THAP12: variants seen among roughly 807,000 people sequenced by gnomAD.
THAP12 encodes THAP domain containing 12.
THAP12 carries 20 observed loss-of-function variants against 63.0 expected under a neutral mutation model. The observed-to-expected ratio is 0.32, with a 90% confidence interval of 0.22 to 0.46. The LOEUF (loss-of-function observed/expected upper bound fraction) is 0.46. Among genes scored for constraint, THAP12 ranks in the 20% least tolerant of loss-of-function variants. The probability of loss-of-function intolerance (pLI) is 1.00; values close to 1 mark genes in which losing one functional copy is unlikely to be tolerated. For synonymous variants in THAP12, 264 were observed against 328.4 expected (o/e 0.80, Z 2.12); for missense variants, 568 against 908.2 (o/e 0.63, Z 4.81).
In THAP12 at chr11:76,350,491, A is replaced by T; in HGVS notation, c.*373T>A. 1 of 158,082 alleles carries T rather than the reference A, an allele frequency of 6.3e-6. No homozygotes were observed. The highest frequency in any genetic ancestry group is 1.4e-5 in the Non-Finnish European group (1 of 72,128). 9.8% of individuals were successfully genotyped at this position (158,082 alleles called of 1,614,324 possible). A position where few individuals can be genotyped will look rare whatever the true frequency, so the allele number is the denominator to read the frequency against. ...TGGGCTTCACTACAACATTTTATAAAATGTATTCCTTCCTCCCACACCTCT... is the reference window on the plus strand; with the variant it reads ...TGGGCTTCACTACAACATTTTATAATATGTATTCCTTCCTCCCACACCTCT... On this transcript the variant is annotated 3_prime_UTR_variant, in exon 5 of 5. Coordinates refer to ENST00000260045, the MANE Select transcript of THAP12 (RefSeq NM_004705.4).
chr11:76,364,346 G>C lies in THAP12; in HGVS notation c.210+1506C>G, dbSNP rs369055042. 65 of 392,962 alleles carry C rather than the reference G, an allele frequency of 1.7e-4. No homozygotes were observed. In the East Asian group the frequency reaches 5.5e-3, roughly 33 times the overall value. 24.3% of individuals were successfully genotyped at this position (392,962 alleles called of 1,614,324 possible). On this transcript the variant is annotated intron_variant, in intron 2 of 4. Transcript: ENST00000260045. Reference sequence around the variant, plus strand: ...AACCGGAATTGGCTCACCTCCCAATGACTTCACAAGTATCTGCTTCAATTA... The same window carrying C: ...AACCGGAATTGGCTCACCTCCCAATCACTTCACAAGTATCTGCTTCAATTA...
intron 1 of THAP12, among the ~76,000 whole-genome samples, chr11:76,374,856 G>A (rs1368564371): frequency 3.9e-5 from 6 of 152,182 alleles, no homozygotes; most frequent in Non-Finnish European, 7.3e-5. Context: ...GGGAGGTGGG[G>A]CATCTGGGAG....
Position 76,355,631 on chromosome 11 carries a change from C to T in THAP12, c.342G>A (p.Leu114=), listed in dbSNP as rs138680289. 20 of 1,593,184 alleles carry T rather than the reference C, an allele frequency of 1.3e-5. No individual in the cohort carries two copies. In the African/African-American group the frequency reaches 2.4e-4, roughly 19 times the overall value. The stretch of plus-strand genomic sequence containing the variant: ...ACTATCACTTACTTTTTTTCTGTTT[C>T]AGTGTCCTGATTTCATCTTCACTCT... The part of the protein sequence containing the change: ...KELSEDEIRT[L]KQKKIDETSE... The change falls in exon 4 of 5, where the codon CTG becomes CTA. Residue 114 remains leucine, a synonymous_variant. Transcript: ENST00000260045.
chr11:76,379,134 T>G (rs922815537), intron 1 of THAP12, among the ~76,000 whole-genome samples: 1 of 152,184 alleles, frequency 6.6e-6, no homozygotes, highest in Non-Finnish European at 1.5e-5. Flanking sequence ...CCAACATAGA[T>G]TTTTAAAATC....
At chr11:76,371,130 T>C (rs1946671384) in intron 1 of THAP12, among the ~76,000 whole-genome samples, 1 of 152,186 alleles carries the variant, frequency 6.6e-6, no homozygotes, top group Non-Finnish European at 1.5e-5. Flanking sequence ...GGTCTACTAG[T>C]ATCTCTTCCA....
chr11:76,370,065 G>C (rs1946659915), intron 1 of THAP12, among the ~76,000 whole-genome samples: 1 of 152,242 alleles, frequency 6.6e-6, no homozygotes, highest in Non-Finnish European at 1.5e-5. Flanking sequence ...ACAACTGGGA[G>C]TGGGCACAAA....
chr11:76,364,859 T>G (rs1161359407), intron 2 of THAP12, among the ~76,000 whole-genome samples: 2 of 152,130 alleles, frequency 1.3e-5, no homozygotes, highest in African/African-American at 4.8e-5. Context: ...AGAGCTCCAT[T>G]CCGAGATGAA....
Position 76,380,776 on chromosome 11 carries a change from A to G in THAP12, c.61T>C (p.Phe21Leu). The change falls in exon 1 of 5, where the codon TTC becomes CTC. Residue 21 changes from phenylalanine to leucine, a missense_variant. Physicochemically the swap from Phe to Leu is conservative, Grantham distance 22 (BLOSUM62 0). Coordinates refer to ENST00000260045, the MANE Select transcript of THAP12 (RefSeq NM_004705.4). ...GCAGGGTCCCGCGGGAACCTGAAGAAGGCCAAGTCGGACTGCGTGCTCTTC... is the reference window on the plus strand; with the variant it reads ...GCAGGGTCCCGCGGGAACCTGAAGAGGGCCAAGTCGGACTGCGTGCTCTTC... Reference protein sequence around the residue: ...TRKSTQSDLAFFRFPRDPARC... With the variant: ...TRKSTQSDLALFRFPRDPARC... 6.8e-7 allele frequency: 1 copy of G among 1,464,470 alleles called. No individual in the cohort carries two copies. The highest frequency in any genetic ancestry group is 1.3e-5 in the South Asian group (1 of 76,548). 90.7% of individuals were successfully genotyped at this position (1,464,470 alleles called of 1,614,324 possible). A position where few individuals can be genotyped will look rare whatever the true frequency, so the allele number is the denominator to read the frequency against.
rs575036913 is a variant in THAP12 at position 76,355,409 on chromosome 11, T to C, written c.355+209A>G. ...ACCTCCATGAGGCCTGCATATAGCATAGTGTGTGGCATTGCAGCACTCAAT... is the reference window on the plus strand; with the variant it reads ...ACCTCCATGAGGCCTGCATATAGCACAGTGTGTGGCATTGCAGCACTCAAT... On this transcript the variant is annotated intron_variant, in intron 4 of 4. Coordinates refer to ENST00000260045, the MANE Select transcript of THAP12 (RefSeq NM_004705.4). Among the ~76,000 whole-genome samples, 17 of 152,358 alleles carry C rather than the reference T, an allele frequency of 1.1e-4. No homozygotes were observed. In the East Asian group the frequency reaches 1.9e-3, roughly 17 times the overall value.
chr11:76,374,548 T>C (rs528358977), intron 1 of THAP12, among the ~76,000 whole-genome samples: 2 of 152,324 alleles, frequency 1.3e-5, no homozygotes, highest in East Asian at 3.9e-4. Flanking sequence ...GTGGCAGGCT[T>C]GTTTATTTCT....
chr11:76,364,317 G>A (rs1396899322), intron 2 of THAP12: 1 of 302,012 alleles, frequency 3.3e-6, no homozygotes, highest in African/African-American at 2.3e-5. Flanking sequence ...TGATTAAACT[G>A]TTGAACCGGA....
At chr11:76,357,710 T>C (rs1946570762) in intron 3 of THAP12, 1 of 152,292 alleles carries the variant, frequency 6.6e-6, no homozygotes, top group East Asian at 1.9e-4. Flanking sequence ...TAAAATATCA[T>C]ATAGCAATTA....
chr11:76,372,707 G>A (rs1946682972), intron 1 of THAP12, among the ~76,000 whole-genome samples: 1 of 152,064 alleles, frequency 6.6e-6, no homozygotes, highest in African/African-American at 2.4e-5. Context: ...ACAATATAGG[G>A]AGACCTTGTC....
At chr11:76,355,851 A>G (rs1325903231) in intron 3 of THAP12, 197 bp from the exon 4 acceptor site, 1 of 429,606 alleles carries the variant, frequency 2.3e-6, no homozygotes, top group African/African-American at 2.0e-5. Flanking sequence ...TAATGACTCC[A>G]AGGTTATAAC....
chr11:76,350,755 T>G lies in THAP12; in HGVS notation c.*109A>C. 8.7e-7 allele frequency: 1 copy of G among 1,154,436 alleles called. No individual in the cohort carries two copies. Among genetic ancestry groups the G allele is most frequent in the South Asian group, 2.2e-5 (1 of 46,296 alleles). 71.5% of individuals were successfully genotyped at this position (1,154,436 alleles called of 1,614,324 possible). On this transcript the variant is annotated 3_prime_UTR_variant, in exon 5 of 5. Coordinates refer to ENST00000260045, the MANE Select transcript of THAP12 (RefSeq NM_004705.4). Reference sequence around the variant, plus strand: ...GGTAGATTATCAATGGCTAATGTATTCAATGGAGTCCTATAGGCAAAGATA... The same window carrying G: ...GGTAGATTATCAATGGCTAATGTATGCAATGGAGTCCTATAGGCAAAGATA...
At chr11:76,366,384 G>A (rs1946630639) in intron 1 of THAP12, among the ~76,000 whole-genome samples, 1 of 152,128 alleles carries the variant, frequency 6.6e-6, no homozygotes, top group Admixed American at 6.5e-5. Context: ...CACTGTCACT[G>A]TAGAAAATCA....
Position 76,351,740 on chromosome 11 carries a change from G to C in THAP12, c.1410C>G (p.Leu470=). Residue 470 remains leucine, a synonymous_variant, in exon 5 of 5, where the codon CTC becomes CTG. Coordinates refer to ENST00000260045, the MANE Select transcript of THAP12 (RefSeq NM_004705.4). Reference sequence around the variant, plus strand: ...AATCAAAATCTGACACTGCACTGCAGAGTACAAATGCTCGGCCAGCTATAT... The same window carrying C: ...AATCAAAATCTGACACTGCACTGCACAGTACAAATGCTCGGCCAGCTATAT... ...NNYIAGRAFV[L]CSAVSDFDFI... The C allele has an allele frequency of 6.2e-7, 1 of 1,613,390 alleles. No homozygotes were observed. The highest frequency in any genetic ancestry group is 1.3e-5 in the African/African-American group (1 of 75,020).
In THAP12 at chr11:76,352,385, T is replaced by C; in HGVS notation, c.765A>G (p.Arg255=). 6.2e-7 allele frequency: 1 copy of C among 1,612,022 alleles called. No homozygotes were observed. The highest frequency in any genetic ancestry group is 8.5e-7 in the Non-Finnish European group (1 of 1,179,836). ...TGATAATGGAAAAGAAGTGTGAGTC[T>C]CTCACTTCCCTGAGAGTTTCTTCTC... is the stretch of plus-strand genomic sequence containing the variant. The part of the protein sequence containing the change: ...CIREETLREV[R]DSHFFSIITD... Residue 255 remains arginine (R), a synonymous_variant, in exon 5 of 5, where the codon AGA becomes AGG. Coordinates refer to ENST00000260045, the MANE Select transcript of THAP12 (RefSeq NM_004705.4).
intron 1 of THAP12, among the ~76,000 whole-genome samples, chr11:76,378,052 A>C (rs1946723713): frequency 6.6e-6 from 1 of 152,198 alleles, no homozygotes; most frequent in Admixed American, 6.5e-5. Flanking sequence ...TTTGATACAC[A>C]AAAGTTTAAT....
Sources: gnomAD v4.1 joint callset for allele counts (sites outside exome capture counted in the v4.1 genomes callset) on GRCh38, gnomAD v4.1.1 for gene constraint, MANE v1.5 for transcripts, NCBI Gene and HGNC (gene_info 2026-07-23, HGNC 2026-07-21) for gene names.